SLC25A29: variants seen among roughly 807,000 people sequenced by gnomAD.
SLC25A29 encodes mitochondrial basic amino acids transporter.
Under a neutral mutation model 10.0 loss-of-function variants are expected in SLC25A29, and 13 were observed. The observed-to-expected ratio is 1.30, with a 90% CI of 0.85 to 2.07. The LOEUF (loss-of-function observed/expected upper bound fraction) is 2.07. Ranked by LOEUF, SLC25A29 falls within the 30% of genes most tolerant of loss-of-function variation. The pLI is 0.00. For synonymous variants in SLC25A29, 244 were observed against 221.1 expected, an observed-to-expected ratio of 1.10 and a Z score of -0.92; for missense variants, 475 against 447.6, an observed-to-expected ratio of 1.06 and a Z score of -0.55.
chr14:100,285,813 C>G, the SLC25A29 span, among the ~76,000 whole-genome samples: 1 of 152,058 alleles, frequency 6.6e-6, no homozygotes, highest in Non-Finnish European at 1.5e-5. Context: ...GGGACGCCCC[C>G]CCTTCCCCCC....
At position 100,293,324 on chromosome 14, in the gene SLC25A29, G is replaced by C; in HGVS notation, c.132C>G (p.His44Gln). Residue 44 changes from histidine (H) to glutamine (Q), a missense_variant, in exon 3 of 4, where the codon CAC (histidine) becomes CAG (glutamine). Physicochemically the swap from His to Gln is conservative, Grantham distance 24. Transcript: ENST00000359232. ...CTTGCTTGATGATGGACTTGAAGCA[G>C]TGCAACGTCCCGCGGTACTGAGGCT... ...VEKPQYRGTL[H>Q]CFKSIIKQES... 1 of 1,613,454 alleles carries C rather than the reference G, an allele frequency of 6.2e-7. No individual in the cohort carries two copies. Among genetic ancestry groups the C allele is most frequent in the South Asian group, 1.1e-5 (1 of 91,076 alleles).
chr14:100,283,226 G>T, the SLC25A29 span, among the ~76,000 whole-genome samples: 1 of 152,234 alleles, frequency 6.6e-6, no homozygotes, highest in Admixed American at 6.5e-5. Flanking sequence ...CCTCCCTCTG[G>T]TTGGGGCCTT....
downstream of SLC25A29, among the ~76,000 whole-genome samples, chr14:100,286,878 T>C (rs1891554589): frequency 6.9e-6 from 1 of 145,882 alleles, no homozygotes; most frequent in African/African-American, 2.5e-5. Context: ...GGGCAAAGGA[T>C]GGGCTGACTG....
rs1179653032 is a variant in SLC25A29 at position 100,302,040 on chromosome 14, TAG to T, written c.35-3157_35-3156del. On this transcript the variant is annotated intron_variant, in intron 1 of 3. Coordinates refer to ENST00000359232, the MANE Select transcript of SLC25A29 (RefSeq NM_001039355.3). ...CTCTACTCATCAACTGCCATTTCAT[TAG>T]AGCCTTTCTTTTTTTTTTTTTGAGA... Among the ~76,000 whole-genome samples, 6 of 146,916 alleles carry T rather than the reference TAG, an allele frequency of 4.1e-5. No homozygotes were observed. The South Asian group carries it at 1.1e-3, about 27-fold the overall frequency.
At chr14:100,305,846 A>G (rs1032760240) in intron 1 of SLC25A29, 23 of 258,546 alleles carry the variant, frequency 8.9e-5, no homozygotes, top group African/African-American at 4.2e-4. Context: ...CCCAGTGCGC[A>G]ACGGATGGGG....
At chr14:100,291,062 A>G (rs1891657601), downstream of SLC25A29, 2 of 152,290 alleles carry the variant, frequency 1.3e-5, 1 homozygote, top group South Asian at 4.1e-4. Flanking sequence ...ACTCCAGGGC[A>G]AGGGTGCTGA....
At chr14:100,305,658 A>C (rs1892884814) in intron 1 of SLC25A29, 3 of 82,474 alleles carry the variant, frequency 3.6e-5, no homozygotes, top group Non-Finnish European at 4.8e-5. Context: ...CCAACAGCTC[A>C]CAAAACCGCG....
the SLC25A29 span, among the ~76,000 whole-genome samples, chr14:100,283,931 G>A: frequency 6.6e-6 from 1 of 151,986 alleles, no homozygotes; most frequent in Non-Finnish European, 1.5e-5. Context: ...ACCTAGGCCG[G>A]AGTGCAGTGG....
intron 1 of SLC25A29, among the ~76,000 whole-genome samples, chr14:100,302,763 T>G (rs1388850522): frequency 6.7e-6 from 1 of 149,414 alleles, no homozygotes; most frequent in African/African-American, 2.5e-5. Context: ...AGATGAGAAA[T>G]CTGCTGCCAA....
At chr14:100,278,924 T>C in the SLC25A29 span, 1 of 152,258 alleles carries the variant, frequency 6.6e-6, no homozygotes, top group Non-Finnish European at 1.5e-5. Context: ...AGGAAATGCT[T>C]GTGGTCGTTG....
intron 1 of SLC25A29, chr14:100,299,773 C>T: frequency 3.0e-6 from 3 of 985,450 alleles, no homozygotes; most frequent in Non-Finnish European, 3.6e-6. Flanking sequence ...TGCTCCTCTC[C>T]CTGGAGTTTC....
chr14:100,286,476 G>GA (rs758916086), downstream of SLC25A29, among the ~76,000 whole-genome samples: 1 of 71,842 alleles, frequency 1.4e-5, no homozygotes, highest in Non-Finnish European at 3.0e-5. Context: ...TGGCTGGGGG[G>GA]GGGGGTGTTG....
intron 2 of SLC25A29, chr14:100,295,597 G>A (rs2139707718): frequency 1.6e-6 from 2 of 1,285,944 alleles, no homozygotes; most frequent in East Asian, 5.6e-5. Flanking sequence ...GGTCCAGGCT[G>A]GGATCTGGTT....
At chr14:100,294,961 C>A (rs1320673972) in intron 2 of SLC25A29, 1 of 152,346 alleles carries the variant, frequency 6.6e-6, no homozygotes, top group East Asian at 1.9e-4. Context: ...TCTGGGGCCT[C>A]TGGGGGGATC....
chr14:100,289,773 T>TA (rs767121693), downstream of SLC25A29, among the ~76,000 whole-genome samples: 47 of 126,650 alleles, frequency 3.7e-4, no homozygotes, highest in Non-Finnish European at 2.9e-4. Context: ...ACCCGGGAGG[T>TA]AGAGGTTGCA....
chr14:100,299,374 C>A, intron 1 of SLC25A29: 1 of 1,004,780 alleles, frequency 1.0e-6, no homozygotes, highest in Non-Finnish European at 1.2e-6. Flanking sequence ...CACTCTGGGC[C>A]TTACCTGTAA....
the SLC25A29 span, among the ~76,000 whole-genome samples, chr14:100,285,391 C>G: frequency 3.3e-5 from 5 of 151,854 alleles, no homozygotes; most frequent in African/African-American, 1.2e-4. Flanking sequence ...GGCCCCCACC[C>G]GCAGGGTGCG....
chr14:100,299,839 A>G, intron 1 of SLC25A29: 1 of 985,452 alleles, frequency 1.0e-6, no homozygotes, highest in African/African-American at 1.7e-5. Flanking sequence ...ATGTATAATT[A>G]AAACAGCTGG....
chr14:100,298,231 C>T (rs1248346074), intron 2 of SLC25A29: 1 of 156,744 alleles, frequency 6.4e-6, no homozygotes, highest in African/African-American at 2.4e-5. Context: ...CCCCGCTGGG[C>T]TACTTTCAGA....
Sources: allele counts gnomAD v4.1 joint callset (sites outside exome capture counted in the v4.1 genomes callset), GRCh38; gene constraint gnomAD v4.1.1; transcripts MANE v1.5; gene names NCBI Gene and HGNC (gene_info 2026-07-23, HGNC 2026-07-21).